NAV3: variants seen among roughly 807,000 people sequenced by gnomAD.
The protein encoded by NAV3 is neuron navigator 3, also known as pore membrane and/or filament interacting like protein 1.
A neutral mutation model predicts 244.7 loss-of-function variants in NAV3; 87 were observed. The ratio of observed to expected loss-of-function variants is 0.36; its 90% CI spans 0.30 to 0.42. The LOEUF (loss-of-function observed/expected upper bound fraction) is 0.42. Among genes scored for constraint, NAV3 ranks in the 20% least tolerant of loss-of-function variants. The pLI is 1.00. For missense variants in NAV3, 2,663 were observed against 2,893.3 expected, an observed-to-expected ratio of 0.92 and a Z score of 1.83; for synonymous variants, 1,126 against 1,042.2, an observed-to-expected ratio of 1.08 and a Z score of -1.55.
intron 1 of NAV3, among the ~76,000 whole-genome samples, chr12:77,846,753 A>T (rs1418693035): frequency 2.0e-5 from 3 of 152,212 alleles, no homozygotes; most frequent in African/African-American, 7.2e-5. Context: ...CCTTTCTTTA[A>T]CAGGAATTTT....
chr12:77,630,649 C>CT (rs1565744402), intron 2 of NAV3, among the ~76,000 whole-genome samples: 1 of 152,022 alleles, frequency 6.6e-6, no homozygotes, highest in Non-Finnish European at 1.5e-5. Context: ...GGGTAGTTTT[C>CT]TTTTTTTCTT....
intron 21 of NAV3, among the ~76,000 whole-genome samples, chr12:78,146,832 C>T (rs1360959629): frequency 6.6e-6 from 1 of 152,082 alleles, no homozygotes; most frequent in Non-Finnish European, 1.5e-5. Context: ...CTTGTTGCCT[C>T]TAACTGCCAT....
chr12:77,974,457 ATT>A (rs200654335), intron 5 of NAV3, among the ~76,000 whole-genome samples: 120 of 142,236 alleles, frequency 8.4e-4, no homozygotes, highest in Non-Finnish European at 1.3e-3. Flanking sequence ...GTTTATTATT[ATT>A]TTTTTTTTTT....
chr12:77,684,738 A>G (rs990094833), intron 2 of NAV3, among the ~76,000 whole-genome samples: 4 of 152,092 alleles, frequency 2.6e-5, no homozygotes, highest in South Asian at 2.1e-4. Context: ...AAAATCTTAT[A>G]TAACTCATTG....
chr12:77,680,238 G>A (rs74104979), intron 2 of NAV3, among the ~76,000 whole-genome samples: 2,506 of 152,204 alleles, frequency 0.016, 23 homozygotes, highest in Middle Eastern at 0.037. Flanking sequence ...AGTGATGTGG[G>A]CATGGGCAGG....
chr12:78,148,143 G>T (rs997824938), intron 21 of NAV3, among the ~76,000 whole-genome samples: 1 of 152,016 alleles, frequency 6.6e-6, no homozygotes, highest in Non-Finnish European at 1.5e-5. Flanking sequence ...CTAATTAGTT[G>T]CACCTATCAT....
rs77814155 is a variant in NAV3 at position 77,643,955 on chromosome 12, G to C, written c.72+71689G>C. On this transcript the variant is annotated intron_variant, in intron 2 of 8. Coordinates refer to the NAV3 transcript ENST00000550042. Reference sequence around the variant, plus strand: ...AGTCACATGAACTTGAAAAATATTTGAGCTTACTTATTACTTTTATGAGCA... The same window carrying C: ...AGTCACATGAACTTGAAAAATATTTCAGCTTACTTATTACTTTTATGAGCA... Among the ~76,000 whole-genome samples, 423 of 152,144 alleles carry C rather than the reference G, an allele frequency of 2.8e-3. 1 individual carries two copies. The highest frequency in any genetic ancestry group is 9.9e-3 in the African/African-American group (410 of 41,532).
rs190928064 is a variant in NAV3 at position 78,176,507 on chromosome 12, T to C, written c.5124+48T>C. On this transcript the variant is annotated intron_variant, in intron 26 of 39. Coordinates refer to ENST00000397909, the MANE Select transcript of NAV3 (RefSeq NM_001024383.2). ...TTGGCATGCATCTATAAAAAAACCC[T>C]ACCTTGGCATGAATGCTATCCATTT... The C allele has an allele frequency of 4.8e-5, 77 of 1,595,674 alleles. No individual in the cohort carries two copies. The African/African-American group carries it at 9.3e-4, about 19-fold the overall frequency.
At chr12:78,006,329 T>C in intron 7 of NAV3, 90 bp from the exon 8 acceptor site, 2 of 1,166,940 alleles carry the variant, frequency 1.7e-6, no homozygotes, top group Non-Finnish European at 2.4e-6. Flanking sequence ...GAGACTTCTA[T>C]CCATCAATAG....
Position 78,204,834 on chromosome 12 carries a change from A to G in NAV3, c.6835-101A>G, listed in dbSNP as rs149559835. The G allele has an allele frequency of 1.3e-3, 1,312 of 987,686 alleles. 9 individuals are homozygous for G. In the African/African-American group the frequency reaches 0.016, roughly 12 times the overall value. The allele number at this position is 987,686 out of a possible 1,614,324, so 61.2% of individuals were successfully genotyped here. A position where few individuals can be genotyped will look rare whatever the true frequency, so the allele number is the denominator to read the frequency against. On this transcript the variant is annotated intron_variant, in intron 38 of 39. Transcript: ENST00000397909. ...ACTTAATTCTCTTGAAAGTCCCTTA[A>G]GAACTCAATATGTCAAAAAATCACA...
intron 3 of NAV3, among the ~76,000 whole-genome samples, chr12:77,945,581 T>C (rs1387616943): frequency 6.6e-6 from 1 of 152,172 alleles, no homozygotes; most frequent in East Asian, 1.9e-4. Flanking sequence ...TTACATGTAT[T>C]ATTTTATGTA....
intron 2 of NAV3, among the ~76,000 whole-genome samples, chr12:77,753,279 C>G (rs1868954339): frequency 6.6e-6 from 1 of 152,078 alleles, no homozygotes; most frequent in Non-Finnish European, 1.5e-5. Context: ...TCATGAGCAC[C>G]CTGTCTTGCA....
chr12:77,956,135 C>T (rs1429194837), intron 3 of NAV3, among the ~76,000 whole-genome samples: 1 of 152,054 alleles, frequency 6.6e-6, no homozygotes, highest in Non-Finnish European at 1.5e-5. Flanking sequence ...AAATTTATGT[C>T]TAGTTAAAAT....
At chr12:77,822,863 T>C (rs1243224273) in intron 2 of NAV3, among the ~76,000 whole-genome samples, 1 of 152,136 alleles carries the variant, frequency 6.6e-6, no homozygotes, top group East Asian at 1.9e-4. Context: ...AATGTGAAAG[T>C]GATAATGCAC....
intron 2 of NAV3, among the ~76,000 whole-genome samples, chr12:77,643,307 G>C (rs1234700297): frequency 6.6e-6 from 1 of 151,838 alleles, no homozygotes; most frequent in Non-Finnish European, 1.5e-5. Flanking sequence ...CATACTTTAT[G>C]AGTTTATAAA....
At chr12:78,147,769 G>C (rs1956922979) in intron 21 of NAV3, among the ~76,000 whole-genome samples, 1 of 152,070 alleles carries the variant, frequency 6.6e-6, no homozygotes, top group Admixed American at 6.6e-5. Flanking sequence ...AAACTAGACA[G>C]TTAATAAACT....
At chr12:78,136,334 A>T (rs2138999479) in intron 18 of NAV3, among the ~76,000 whole-genome samples, 1 of 152,268 alleles carries the variant, frequency 6.6e-6, no homozygotes, top group Middle Eastern at 3.4e-3. Context: ...TTTTGCTTTT[A>T]TTCCAAATTT....
intron 2 of NAV3, among the ~76,000 whole-genome samples, chr12:77,750,437 TAGG>T (rs1868789298): frequency 6.6e-6 from 1 of 151,360 alleles, no homozygotes; most frequent in Non-Finnish European, 1.5e-5. Flanking sequence ...AAGGCTGAGG[TAGG>T]AGGATTGTTT....
intron 8 of NAV3, among the ~76,000 whole-genome samples, chr12:78,011,789 AG>A (rs1277919010): frequency 6.6e-6 from 1 of 152,188 alleles, no homozygotes; most frequent in East Asian, 1.9e-4. Flanking sequence ...TAAAGAAAAG[AG>A]GTTTAATTGG....
Sources: allele counts gnomAD v4.1 joint callset (sites outside exome capture counted in the v4.1 genomes callset), GRCh38; gene constraint gnomAD v4.1.1; transcripts MANE v1.5; gene names NCBI Gene and HGNC (gene_info 2026-07-23, HGNC 2026-07-21).